Variants in NBAS observed in about 807,000 individuals in gnomAD.
The protein encoded by NBAS is NBAS subunit of NRZ tethering complex.
A neutral mutation model predicts 302.5 loss-of-function variants in NBAS; 219 were observed. That is an observed-to-expected ratio of 0.72 (90% CI 0.65 to 0.81). The LOEUF is 0.81. Among genes scored for constraint, NBAS ranks in the 30% least tolerant of loss-of-function variants. The pLI, the probability that NBAS is intolerant of heterozygous loss-of-function variation, is 0.00. For missense variants in NBAS, 2,932 were observed against 2,841.6 expected, an observed-to-expected ratio of 1.03 and a Z score of -0.72; for synonymous variants, 1,118 against 1,021.6, an observed-to-expected ratio of 1.09 and a Z score of -1.80.
At chr2:15,075,744 A>AT in the NBAS span, among the ~76,000 whole-genome samples, 1 of 148,382 alleles carries the variant, frequency 6.7e-6, no homozygotes, top group East Asian at 2.0e-4. Flanking sequence ...CATTTATGTG[A>AT]TCCCCCCAAA....
the NBAS span, among the ~76,000 whole-genome samples, chr2:14,982,053 C>G: frequency 2.6e-5 from 4 of 152,138 alleles, no homozygotes; most frequent in Admixed American, 1.3e-4. Flanking sequence ...TAATAAGAAG[C>G]CTTGCAGATT....
At position 15,167,172 on chromosome 2, in the gene NBAS, C is replaced by T. The variant is rs1664062193; in HGVS notation, c.6992G>A (p.Gly2331Asp). ...QQGRWDAEEL[G>D]RHLREAGHEA... ...ATGGCCGGCCTCCCGCAGGTGTCTGCCCAGCTCCTCTGCATCCCAGCGCCC... is the reference window on the plus strand; with the variant it reads ...ATGGCCGGCCTCCCGCAGGTGTCTGTCCAGCTCCTCTGCATCCCAGCGCCC... Residue 2331 changes from glycine to aspartate, a missense_variant, in exon 52 of 52, where the codon GGC (glycine) becomes GAC (aspartate). Physicochemically the swap from Gly to Asp is moderately conservative, Grantham distance 94 (BLOSUM62 -1). Coordinates refer to ENST00000281513, the MANE Select transcript of NBAS (RefSeq NM_015909.4). The T allele has an allele frequency of 1.9e-6, 3 of 1,614,248 alleles. No individual in the cohort carries two copies. The highest frequency in any genetic ancestry group is 2.5e-6 in the Non-Finnish European group (3 of 1,180,050).
chr2:15,179,265 A>G, intron 50 of NBAS, 149 bp from the exon 51 acceptor site: 12 of 1,164,868 alleles, frequency 1.0e-5, no homozygotes, highest in South Asian at 2.8e-5. Context: ...TATACTGAAT[A>G]TGGGCGTTGG....
the NBAS span, among the ~76,000 whole-genome samples, chr2:14,798,011 T>A: frequency 6.6e-6 from 1 of 152,346 alleles, no homozygotes; most frequent in South Asian, 2.1e-4. Flanking sequence ...ATCCATCAGA[T>A]TTTCAACAGA....
chr2:15,295,834 G>A (rs1423779605), intron 40 of NBAS, among the ~76,000 whole-genome samples: 2 of 151,914 alleles, frequency 1.3e-5, no homozygotes, highest in East Asian at 3.9e-4. Context: ...TCCCCACTCA[G>A]TAGAGATGCA....
chr2:15,136,875 C>T, the NBAS span, among the ~76,000 whole-genome samples: 1 of 152,198 alleles, frequency 6.6e-6, no homozygotes, highest in Non-Finnish European at 1.5e-5. Context: ...TCTCCTGCTG[C>T]CATGTAAGAC....
the NBAS span, among the ~76,000 whole-genome samples, chr2:14,878,938 A>G: frequency 1.0e-4 from 15 of 147,536 alleles, no homozygotes; most frequent in Non-Finnish European, 2.1e-4. Context: ...TGCACTAAAA[A>G]TCCCGTGATC....
the NBAS span, among the ~76,000 whole-genome samples, chr2:14,808,271 C>T: frequency 1.3e-5 from 2 of 152,184 alleles, no homozygotes; most frequent in African/African-American, 2.4e-5. Context: ...CCCAAGAAGA[C>T]ATTCTCTGAC....
chr2:14,796,411 ACT>A, the NBAS span, among the ~76,000 whole-genome samples: 1 of 152,182 alleles, frequency 6.6e-6, no homozygotes. Context: ...GTTTACCTTG[ACT>A]CTATAGATTT....
intron 32 of NBAS, among the ~76,000 whole-genome samples, chr2:15,361,506 C>T (rs1168679618): frequency 6.6e-6 from 1 of 151,846 alleles, no homozygotes; most frequent in African/African-American, 2.4e-5. Context: ...CAGTGAGACT[C>T]TGGCTCAAAA....
the NBAS span, among the ~76,000 whole-genome samples, chr2:15,103,892 G>A: frequency 6.6e-6 from 1 of 152,234 alleles, no homozygotes; most frequent in South Asian, 2.1e-4. Context: ...TTATTGAATT[G>A]ACATTCCACT....
In NBAS at chr2:15,517,659, A is replaced by G. The variant is rs868264626; in HGVS notation, c.747-6309T>C. The stretch of plus-strand genomic sequence containing the variant: ...CTTGACTTATGATCAGATAATCAAT[A>G]AACCTATTGTAAATGGAAAATACTG... On this transcript the variant is annotated intron_variant, in intron 9 of 51. Transcript: ENST00000281513. Among the ~76,000 whole-genome samples the G allele has an allele frequency of 3.3e-5, 5 of 151,468 alleles. No individual in the cohort carries two copies. The South Asian group carries it at 6.2e-4, about 19-fold the overall frequency.
the NBAS span, among the ~76,000 whole-genome samples, chr2:14,863,208 T>C: frequency 6.6e-6 from 1 of 152,230 alleles, no homozygotes; most frequent in African/African-American, 2.4e-5. Flanking sequence ...ATCATCTTTC[T>C]AAGGCCATTG....
intron 47 of NBAS, among the ~76,000 whole-genome samples, chr2:15,221,379 A>G (rs377015987): frequency 1.7e-3 from 253 of 152,368 alleles, no homozygotes; most frequent in South Asian, 0.012. Context: ...ATTATGTGGT[A>G]CAGAGGAAGT....
the NBAS span, among the ~76,000 whole-genome samples, chr2:14,967,063 A>G: frequency 6.6e-6 from 1 of 152,212 alleles, no homozygotes. Flanking sequence ...CGTAGAAATT[A>G]TGAACTACTT....
At chr2:15,459,867 C>T (rs999290482) in intron 21 of NBAS, among the ~76,000 whole-genome samples, 1 of 152,086 alleles carries the variant, frequency 6.6e-6, no homozygotes, top group Non-Finnish European at 1.5e-5. Context: ...ATTCTCGCTG[C>T]TTACTGACCT....
At chr2:15,453,006 G>C (rs1267126405) in intron 21 of NBAS, among the ~76,000 whole-genome samples, 1 of 152,168 alleles carries the variant, frequency 6.6e-6, no homozygotes, top group Admixed American at 6.5e-5. Context: ...TCTGCAAACA[G>C]AATAGTACCC....
At chr2:15,405,657 T>C (rs924185725) in intron 25 of NBAS, among the ~76,000 whole-genome samples, 1 of 152,148 alleles carries the variant, frequency 6.6e-6, no homozygotes, top group African/African-American at 2.4e-5. Flanking sequence ...TTATGCACTA[T>C]ATACAACTAG....
chr2:15,478,176 A>G (rs916445743), intron 13 of NBAS, 50 bp downstream of exon 13: 1 of 1,211,558 alleles, frequency 8.3e-7, no homozygotes, highest in South Asian at 1.2e-5. Context: ...AATCTTGTAT[A>G]ATAATAGGAG....
Sources: gnomAD v4.1 joint callset for allele counts (sites outside exome capture counted in the v4.1 genomes callset) on GRCh38, gnomAD v4.1.1 for gene constraint, MANE v1.5 for transcripts, NCBI Gene and HGNC (gene_info 2026-07-23, HGNC 2026-07-21) for gene names.